Variants in LARGE1 observed in about 807,000 individuals in gnomAD.
LARGE1 encodes LARGE xylosyl- and glucuronyltransferase 1, also known as xylosyl- and glucuronyltransferase LARGE1.
A neutral mutation model predicts 87.6 loss-of-function variants in LARGE1; 43 were observed. That is an observed-to-expected ratio of 0.49 (90% CI 0.38 to 0.63). The LOEUF (loss-of-function observed/expected upper bound fraction) is 0.63. LARGE1 is among the 30% of genes least tolerant of loss of function. The pLI is 0.00. For synonymous variants in LARGE1, 434 were observed against 394.6 expected (o/e 1.10, Z -1.18); for missense variants, 802 against 1,000.2 (o/e 0.80, Z 2.67).
At chr22:33,180,751 T>A (rs149754410) in intron 11 of LARGE1, among the ~76,000 whole-genome samples, 1 of 152,220 alleles carries the variant, frequency 6.6e-6, no homozygotes, top group Non-Finnish European at 1.5e-5. Context: ...TTAAAAGGAA[T>A]GTAGTATGAA....
chr22:33,875,473 A>G (rs1336168430), intron 1 of LARGE1, among the ~76,000 whole-genome samples: 1 of 152,222 alleles, frequency 6.6e-6, no homozygotes, highest in Non-Finnish European at 1.5e-5. Flanking sequence ...AAGCTCCTCC[A>G]GAACACACAT....
At chr22:33,243,908 CA>C (rs1926634331) in intron 11 of LARGE1, among the ~76,000 whole-genome samples, 1 of 152,170 alleles carries the variant, frequency 6.6e-6, no homozygotes, top group African/African-American at 2.4e-5. Context: ...AAACCCACTC[CA>C]GGCAAAAGTG....
chr22:33,138,450 A>ATTT, the LARGE1 span, among the ~76,000 whole-genome samples: 76 of 148,418 alleles, frequency 5.1e-4, no homozygotes, highest in African/African-American at 1.9e-3. Context: ...TTATTTTTTC[A>ATTT]TTTTTTTTTT....
At chr22:33,524,384 C>A (rs547717873) in intron 6 of LARGE1, among the ~76,000 whole-genome samples, 8 of 152,136 alleles carry the variant, frequency 5.3e-5, no homozygotes, top group African/African-American at 1.9e-4. Flanking sequence ...ATATTATCAC[C>A]TTTCTAATCT....
At chr22:33,078,344 T>C in the LARGE1 span, among the ~76,000 whole-genome samples, 1 of 152,244 alleles carries the variant, frequency 6.6e-6, no homozygotes, top group Non-Finnish European at 1.5e-5. Context: ...TAGCGAGAAA[T>C]GTACCAGGAA....
downstream of LARGE1, among the ~76,000 whole-genome samples, chr22:33,272,261 T>C (rs529460663): frequency 1.3e-5 from 2 of 152,346 alleles, no homozygotes; most frequent in African/African-American, 2.4e-5. Context: ...ACAGTGGTCC[T>C]CTCTAGGGAA....
intron 9 of LARGE1, among the ~76,000 whole-genome samples, chr22:33,372,874 A>C (rs1350604264): frequency 6.6e-6 from 1 of 152,246 alleles, no homozygotes; most frequent in Non-Finnish European, 1.5e-5. Context: ...AAATAGAAAC[A>C]AGACAGACAG....
At chr22:33,898,128 G>A (rs575914001) in intron 1 of LARGE1, among the ~76,000 whole-genome samples, 6 of 152,266 alleles carry the variant, frequency 3.9e-5, no homozygotes, top group African/African-American at 7.2e-5. Flanking sequence ...TTTCTTTGGC[G>A]GCCCACAGGC....
chr22:33,635,010 C>A (rs925907333), intron 3 of LARGE1, among the ~76,000 whole-genome samples: 6 of 151,688 alleles, frequency 4.0e-5, no homozygotes, highest in African/African-American at 1.5e-4. Flanking sequence ...CCCAGTTACT[C>A]GGGAAGCTGA....
chr22:33,716,374 A>T (rs1399035026), intron 2 of LARGE1, among the ~76,000 whole-genome samples: 1 of 152,132 alleles, frequency 6.6e-6, no homozygotes, highest in Non-Finnish European at 1.5e-5. Flanking sequence ...TTGTTCAGAA[A>T]TTTTTTTGTT....
At chr22:33,851,393 C>T (rs1179033945) in intron 1 of LARGE1, among the ~76,000 whole-genome samples, 1 of 152,220 alleles carries the variant, frequency 6.6e-6, no homozygotes, top group Non-Finnish European at 1.5e-5. Context: ...ACTTACCCAA[C>T]CTTTGCATTT....
intron 1 of LARGE1, among the ~76,000 whole-genome samples, chr22:33,887,299 G>T (rs898636913): frequency 6.6e-6 from 1 of 152,196 alleles, no homozygotes; most frequent in African/African-American, 2.4e-5. Flanking sequence ...AGAAACACTA[G>T]AGAGCTCCCT....
intron 9 of LARGE1, among the ~76,000 whole-genome samples, chr22:33,379,254 ATTTC>A (rs202204441): frequency 5.1e-5 from 5 of 98,738 alleles, no homozygotes; most frequent in Non-Finnish European, 9.1e-5. Context: ...TTGCTGAGTG[ATTTC>A]TTTCTTTTTT....
rs1568963741 is a variant in LARGE1 at position 33,183,653 on chromosome 22, C to CATAG, written c.1731-16822_1731-16821insCTAT. ...ACACACACACACACACACACACACA[C>CATAG]AGTATTTAGCCATAAAAAAGAAGGA... is the stretch of plus-strand genomic sequence containing the variant. On this transcript the variant is annotated intron_variant, in intron 11 of 11. Coordinates refer to the LARGE1 transcript ENST00000608642. 3.6e-4 allele frequency among the ~76,000 whole-genome samples: 54 copies of CATAG among 149,986 alleles called. No individual in the cohort carries two copies. In the South Asian group the frequency reaches 0.01, roughly 29 times the overall value.
intron 3 of LARGE1, among the ~76,000 whole-genome samples, chr22:33,643,727 G>A (rs1044014287): frequency 1.3e-5 from 2 of 152,052 alleles, no homozygotes; most frequent in African/African-American, 2.4e-5. Context: ...TGATAAAGGG[G>A]ACATCACCAC....
chr22:33,344,086 C>T (rs568064119), intron 9 of LARGE1, among the ~76,000 whole-genome samples: 1 of 152,230 alleles, frequency 6.6e-6, no homozygotes, highest in African/African-American at 2.4e-5. Context: ...TAGATGTTGC[C>T]CACCAGATTA....
chr22:33,702,626 G>T (rs2082433923), intron 2 of LARGE1, among the ~76,000 whole-genome samples: 1 of 152,158 alleles, frequency 6.6e-6, no homozygotes, highest in Non-Finnish European at 1.5e-5. Flanking sequence ...AACAAGGAAG[G>T]CTACGTGGAA....
At chr22:33,128,694 A>AAG in the LARGE1 span, among the ~76,000 whole-genome samples, 16 of 135,472 alleles carry the variant, frequency 1.2e-4, no homozygotes. Flanking sequence ...AAAAAAAAAA[A>AAG]AAAGAAAAAG....
rs546608280 is a variant in LARGE1, at chr22:33,502,719, C to T, written c.787+62129G>A. On this transcript the variant is annotated intron_variant, in intron 6 of 14. Transcript: ENST00000397394. ...AAGTAGCTGGGACTACAGGCGCCTG[C>T]CACCACGCCTGGCTAATTTTTGTGT... 6.6e-5 allele frequency among the ~76,000 whole-genome samples: 10 copies of T among 152,198 alleles called. No homozygotes were observed. The East Asian group carries it at 1.9e-3, about 29-fold the overall frequency.
Sources: gnomAD v4.1 joint callset for allele counts (sites outside exome capture counted in the v4.1 genomes callset) on GRCh38, gnomAD v4.1.1 for gene constraint, MANE v1.5 for transcripts, NCBI Gene and HGNC (gene_info 2026-07-23, HGNC 2026-07-21) for gene names.